Variants in CDH12 observed in about 807,000 individuals in gnomAD.
The protein encoded by CDH12 is cadherin-12.
A neutral mutation model predicts 74.1 loss-of-function variants in CDH12; 41 were observed. The ratio of observed to expected loss-of-function variants is 0.55; its 90% CI spans 0.43 to 0.72. CDH12 has a LOEUF of 0.72. CDH12 is among the 30% of genes least tolerant of loss of function. The probability of loss-of-function intolerance (pLI) is 0.00; values close to 1 mark genes in which losing one functional copy is unlikely to be tolerated. For synonymous variants in CDH12, 399 were observed against 355.0 expected (o/e 1.12, Z -1.39); for missense variants, 945 against 977.2 (o/e 0.97, Z 0.44).
chr5:21,759,908 CTCCCACTTA>C (rs1429069266), intron 13 of CDH12, among the ~76,000 whole-genome samples: 1 of 152,106 alleles, frequency 6.6e-6, no homozygotes, highest in Non-Finnish European at 1.5e-5. Context: ...TATCATTGAG[CTCCCACTTA>C]TAAGTGAGAA....
chr5:22,362,263 G>T (rs1740838434), intron 3 of CDH12, among the ~76,000 whole-genome samples: 1 of 152,086 alleles, frequency 6.6e-6, no homozygotes, highest in Admixed American at 6.6e-5. Flanking sequence ...ATCAAAAAGT[G>T]GGTGAAGGAT....
Position 22,179,498 on chromosome 5 carries a change from G to A in CDH12, c.-187+33000C>T, listed in dbSNP as rs539340400. Among the ~76,000 whole-genome samples the A allele has an allele frequency of 6.1e-4, 93 of 152,252 alleles. 2 individuals are homozygous for A. The highest frequency in any genetic ancestry group is 2.1e-3 in the African/African-American group (87 of 41,560). On this transcript the variant is annotated intron_variant, in intron 4 of 14. Coordinates refer to ENST00000382254, the MANE Select transcript of CDH12 (RefSeq NM_004061.5). ...GTTGGAAGATAAATTAAAAGTTTCA[G>A]AAGTTAATTATTTTAATACAAATCT...
intron 5 of CDH12, among the ~76,000 whole-genome samples, chr5:22,018,483 C>T (rs1376170651): frequency 3.3e-5 from 5 of 152,114 alleles, no homozygotes; most frequent in South Asian, 4.2e-4. Flanking sequence ...CTGTGTGCTG[C>T]ACATACGTTG....
chr5:22,039,977 C>T (rs573065819), intron 5 of CDH12, among the ~76,000 whole-genome samples: 5 of 148,028 alleles, frequency 3.4e-5, no homozygotes, highest in South Asian at 2.2e-4. Context: ...AGTAATAGGC[C>T]GCAAAGAAAA....
chr5:21,762,547 T>G (rs1394755595), intron 12 of CDH12, among the ~76,000 whole-genome samples: 2 of 152,090 alleles, frequency 1.3e-5, no homozygotes, highest in African/African-American at 4.8e-5. Flanking sequence ...ATATATTACA[T>G]CCCTGAAAAC....
intron 3 of CDH12, among the ~76,000 whole-genome samples, chr5:22,348,760 A>T (rs983598282): frequency 2.0e-5 from 3 of 152,226 alleles, no homozygotes; most frequent in African/African-American, 7.2e-5. Flanking sequence ...TATTTAAAAG[A>T]TATGGATGGG....
chr5:22,319,471 T>A (rs1264599753), intron 3 of CDH12, among the ~76,000 whole-genome samples: 1 of 152,148 alleles, frequency 6.6e-6, no homozygotes, highest in Non-Finnish European at 1.5e-5. Context: ...TTTGTCTATG[T>A]GGAAAGGCAA....
intron 6 of CDH12, among the ~76,000 whole-genome samples, chr5:21,937,215 G>A (rs545004695): frequency 2.0e-5 from 3 of 152,302 alleles, no homozygotes; most frequent in Admixed American, 6.5e-5. Flanking sequence ...AATTAAAGAA[G>A]TCCTGAGGGT....
At chr5:22,194,231 G>T (rs1020335904) in intron 4 of CDH12, among the ~76,000 whole-genome samples, 1 of 151,842 alleles carries the variant, frequency 6.6e-6, no homozygotes, top group African/African-American at 2.4e-5. Flanking sequence ...AGCTAGAGAG[G>T]TGACACACTG....
At chr5:22,036,567 C>T (rs538954682) in intron 5 of CDH12, among the ~76,000 whole-genome samples, 4 of 152,010 alleles carry the variant, frequency 2.6e-5, no homozygotes, top group African/African-American at 9.6e-5. Context: ...TGTGTGTGTG[C>T]ACGTGTGCGT....
At chr5:22,480,615 A>T (rs1028183524) in intron 2 of CDH12, among the ~76,000 whole-genome samples, 1 of 151,702 alleles carries the variant, frequency 6.6e-6, no homozygotes, top group Admixed American at 6.6e-5. Context: ...CTTGCATTCA[A>T]TTTTATCCAA....
At chr5:22,319,618 A>T (rs531676679) in intron 3 of CDH12, among the ~76,000 whole-genome samples, 6 of 152,322 alleles carry the variant, frequency 3.9e-5, no homozygotes, top group African/African-American at 1.4e-4. Context: ...AAATCAATAG[A>T]AACATTATAT....
At chr5:21,830,954 C>T (rs376873564) in intron 8 of CDH12, among the ~76,000 whole-genome samples, 6 of 152,020 alleles carry the variant, frequency 3.9e-5, no homozygotes, top group Non-Finnish European at 1.5e-5. Flanking sequence ...CAGAGAATTG[C>T]TTGAACCTGG....
At chr5:22,220,101 T>C (rs923567673) in intron 3 of CDH12, among the ~76,000 whole-genome samples, 7 of 151,784 alleles carry the variant, frequency 4.6e-5, no homozygotes, top group African/African-American at 1.7e-4. Context: ...TGATACCATA[T>C]GTTTTTAGAA....
chr5:21,891,024 A>C (rs1019783528), intron 6 of CDH12, among the ~76,000 whole-genome samples: 4 of 152,094 alleles, frequency 2.6e-5, no homozygotes, highest in African/African-American at 9.6e-5. Context: ...TGAAAATTCC[A>C]ATAAATGATG....
intron 1 of CDH12, among the ~76,000 whole-genome samples, chr5:22,558,647 A>G (rs900893870): frequency 6.6e-6 from 1 of 152,004 alleles, no homozygotes; most frequent in African/African-American, 2.4e-5. Context: ...AAACAAAGAG[A>G]GGGGGAAAAA....
At chr5:21,830,317 C>T (rs996901887) in intron 8 of CDH12, among the ~76,000 whole-genome samples, 2 of 149,174 alleles carry the variant, frequency 1.3e-5, no homozygotes, top group South Asian at 2.1e-4. Context: ...CACTCAAGCA[C>T]GTTGAAAAGA....
rs761296908 is a variant in CDH12 at position 21,751,762 on chromosome 5, C to G, written c.2360G>C (p.Ser787Thr). The change falls in exon 15 of 15, where the codon AGT becomes ACT. Residue 787 changes from serine to threonine, a missense_variant. By Grantham distance (58) the Ser-to-Thr change is moderately conservative. This residue lies in a region of CDH12 where 791 missense variants were observed against 792.8 expected (regional missense o/e 1.00). Coordinates refer to ENST00000382254, the MANE Select transcript of CDH12 (RefSeq NM_004061.5). ...TTAAGTGACTTTATCAGGGTTATAA[C>G]TCTCTTCTTCGCCAAACATGTCTGC... ...VLADMFGEEESYNPDKVT is the reference protein window; with the variant it reads ...VLADMFGEEETYNPDKVT 13 of 1,613,690 alleles carry G rather than the reference C, an allele frequency of 8.1e-6. No homozygotes were observed. Among genetic ancestry groups the G allele is most frequent in the Non-Finnish European group, 1.1e-5 (13 of 1,179,882 alleles).
At chr5:22,363,808 G>C (rs1479147916) in intron 3 of CDH12, among the ~76,000 whole-genome samples, 7 of 152,206 alleles carry the variant, frequency 4.6e-5, no homozygotes, top group African/African-American at 1.7e-4. Context: ...GGCAATGCCT[G>C]CATCATCTTC....
Sources: allele counts gnomAD v4.1 joint callset (sites outside exome capture counted in the v4.1 genomes callset), GRCh38; gene constraint gnomAD v4.1.1; regional missense constraint gnomAD v4.1.1; transcripts MANE v1.5; gene names NCBI Gene and HGNC (gene_info 2026-07-23, HGNC 2026-07-21).